EYS: variants seen among roughly 807,000 people sequenced by gnomAD.
The protein encoded by EYS is protein eyes shut homolog.
EYS carries 250 observed loss-of-function variants against 282.1 expected under a neutral mutation model. The ratio of observed to expected loss-of-function variants is 0.89; its 90% CI spans 0.80 to 0.98. EYS has a LOEUF of 0.98. Ranked by LOEUF, EYS falls within the 50% of genes least tolerant of loss-of-function variation. The probability of loss-of-function intolerance (pLI) is 0.00; values close to 1 mark genes in which losing one functional copy is unlikely to be tolerated. For synonymous variants in EYS, 1,355 were observed against 1,282.9 expected, an observed-to-expected ratio of 1.06 and a Z score of -1.20; for missense variants, 4,016 against 3,709.0, an observed-to-expected ratio of 1.08 and a Z score of -2.15.
At chr6:64,554,442 G>T (rs1485381597) in intron 26 of EYS, among the ~76,000 whole-genome samples, 1 of 151,994 alleles carries the variant, frequency 6.6e-6, no homozygotes, top group Non-Finnish European at 1.5e-5. Flanking sequence ...CACTAAAAAT[G>T]CTGAATAACA....
intron 12 of EYS, among the ~76,000 whole-genome samples, chr6:65,165,140 A>C (rs1304662111): frequency 6.6e-6 from 1 of 151,202 alleles, no homozygotes; most frequent in Admixed American, 6.6e-5. Flanking sequence ...TTTTTTTTCT[A>C]ACACAGTTCA....
intron 30 of EYS, among the ~76,000 whole-genome samples, chr6:64,305,951 T>C (rs1371336282): frequency 6.6e-6 from 1 of 152,032 alleles, no homozygotes; most frequent in Non-Finnish European, 1.5e-5. Flanking sequence ...CAACTCAGAA[T>C]GGAAGAAAAG....
At chr6:65,233,438 C>T (rs183304676) in intron 12 of EYS, among the ~76,000 whole-genome samples, 117 of 152,192 alleles carry the variant, frequency 7.7e-4, no homozygotes, top group African/African-American at 2.3e-3. Flanking sequence ...ATATTTTCCC[C>T]TTATTTTTAA....
chr6:65,106,502 TTCAACAATGTTACA>T (rs1257665879), intron 12 of EYS, among the ~76,000 whole-genome samples: 1 of 152,026 alleles, frequency 6.6e-6, no homozygotes, highest in African/African-American at 2.4e-5. Context: ...AAAACTGATG[TTCAACAATGTTACA>T]TCAGCCTACA....
chr6:65,018,936 A>T (rs1038708970), intron 13 of EYS, among the ~76,000 whole-genome samples: 7 of 152,196 alleles, frequency 4.6e-5, no homozygotes, highest in African/African-American at 1.4e-4. Flanking sequence ...GGTACAAAAA[A>T]ATTGACCTTA....
At chr6:65,612,843 T>C (rs1766048247) in intron 2 of EYS, among the ~76,000 whole-genome samples, 1 of 151,734 alleles carries the variant, frequency 6.6e-6, no homozygotes, top group Admixed American at 6.6e-5. Context: ...GAATTGCTCA[T>C]CATATTTTCC....
rs903806367 is a variant in EYS, at chr6:65,366,090, C to T, written c.1300-12473G>A. ...CTGTTACTCCAGCCAAGCAACTGTT[C>T]GGACCCTTTTTCCTTCTCAAATGTG... On this transcript the variant is annotated intron_variant, in intron 8 of 42. Coordinates refer to ENST00000503581, the MANE Select transcript of EYS (RefSeq NM_001142800.2). Among the ~76,000 whole-genome samples, 12 of 151,684 alleles carry T rather than the reference C, an allele frequency of 7.9e-5. 1 individual carries two copies. Among genetic ancestry groups the T allele is most frequent in the East Asian group, 3.9e-4 (2 of 5,184 alleles).
intron 12 of EYS, among the ~76,000 whole-genome samples, chr6:65,257,820 A>T (rs944798834): frequency 1.3e-5 from 2 of 152,024 alleles, no homozygotes; most frequent in African/African-American, 4.8e-5. Flanking sequence ...GGAGATAGTG[A>T]GTAGAATGAT....
intron 31 of EYS, among the ~76,000 whole-genome samples, chr6:64,188,980 T>G (rs1014722766): frequency 6.6e-6 from 1 of 152,182 alleles, no homozygotes; most frequent in Admixed American, 6.6e-5. Context: ...CATACTTCTT[T>G]CCTCAGAGAA....
intron 22 of EYS, among the ~76,000 whole-genome samples, chr6:64,734,871 C>A (rs1772131266): frequency 6.6e-6 from 1 of 152,038 alleles, no homozygotes; most frequent in Non-Finnish European, 1.5e-5. Context: ...GTGACATTCT[C>A]ATTAACTATG....
intron 13 of EYS, among the ~76,000 whole-genome samples, chr6:65,041,255 A>G (rs913172894): frequency 2.0e-5 from 3 of 151,784 alleles, no homozygotes; most frequent in African/African-American, 7.2e-5. Context: ...TCTGCAAGCC[A>G]TAAGTCGTGG....
At chr6:64,416,547 G>A (rs1030144057) in intron 28 of EYS, among the ~76,000 whole-genome samples, 1 of 127,820 alleles carries the variant, frequency 7.8e-6, no homozygotes, top group African/African-American at 3.0e-5. Flanking sequence ...CCTCTGGTTT[G>A]TTTTGTCTTC....
chr6:64,354,898 C>T (rs1561947672), intron 29 of EYS, among the ~76,000 whole-genome samples: 2 of 151,398 alleles, frequency 1.3e-5, no homozygotes, highest in South Asian at 2.1e-4. Context: ...AAAATATATT[C>T]CTATCAGCTG....
At chr6:65,021,827 G>A (rs1214529598) in intron 13 of EYS, among the ~76,000 whole-genome samples, 1 of 152,210 alleles carries the variant, frequency 6.6e-6, no homozygotes, top group African/African-American at 2.4e-5. Flanking sequence ...ATGGCAAAAG[G>A]AGAAGCAAAC....
intron 22 of EYS, among the ~76,000 whole-genome samples, chr6:64,788,581 G>T (rs1452220296): frequency 6.6e-6 from 1 of 152,222 alleles, no homozygotes; most frequent in African/African-American, 2.4e-5. Context: ...AGTATCCAGG[G>T]GTCTAAATGC....
chr6:65,082,734 C>A (rs950566241), intron 12 of EYS, among the ~76,000 whole-genome samples: 1 of 151,888 alleles, frequency 6.6e-6, no homozygotes, highest in African/African-American at 2.4e-5. Flanking sequence ...AAGCTATTCC[C>A]CCCATTGTTA....
intron 28 of EYS, among the ~76,000 whole-genome samples, chr6:64,430,575 GT>G (rs1370430442): frequency 6.6e-6 from 1 of 152,116 alleles, no homozygotes; most frequent in Non-Finnish European, 1.5e-5. Flanking sequence ...GTTATAAATT[GT>G]GTTTACTGAT....
chr6:64,607,186 G>A (rs1202598381), intron 24 of EYS, among the ~76,000 whole-genome samples: 1 of 151,780 alleles, frequency 6.6e-6, no homozygotes, highest in East Asian at 1.9e-4. Context: ...TTCTCCCACT[G>A]CCTTGCCAGA....
At chr6:65,638,579 G>A (rs184504034) in intron 2 of EYS, among the ~76,000 whole-genome samples, 98 of 152,292 alleles carry the variant, frequency 6.4e-4, no homozygotes, top group African/African-American at 2.0e-3. Flanking sequence ...CCAGACACAG[G>A]TGCCCACAGT....
Sources: gnomAD v4.1 joint callset for allele counts (sites outside exome capture counted in the v4.1 genomes callset) on GRCh38, gnomAD v4.1.1 for gene constraint, MANE v1.5 for transcripts, NCBI Gene and HGNC (gene_info 2026-07-23, HGNC 2026-07-21) for gene names.